The following MAGI2 variants were observed in gnomAD, a reference collection of about 807,000 sequenced individuals.
MAGI2 encodes membrane associated guanylate kinase, WW and PDZ domain containing 2, also known as membrane-associated guanylate kinase, WW and PDZ domain-containing protein 2.
MAGI2 carries 35 observed loss-of-function variants against 133.3 expected under a neutral mutation model. That is an observed-to-expected ratio of 0.26 (90% CI 0.20 to 0.35). The LOEUF is 0.35. Among genes scored for constraint, MAGI2 ranks in the 10% least tolerant of loss-of-function variants. The probability of loss-of-function intolerance (pLI) is 1.00; values close to 1 mark genes in which losing one functional copy is unlikely to be tolerated. For missense variants in MAGI2, 1,636 were observed against 1,863.4 expected (o/e 0.88, Z 2.25); for synonymous variants, 729 against 710.6 (o/e 1.03, Z -0.41).
At chr7:78,997,189 T>C (rs1260892135) in intron 2 of MAGI2, among the ~76,000 whole-genome samples, 2 of 152,166 alleles carry the variant, frequency 1.3e-5, no homozygotes, top group Non-Finnish European at 1.5e-5. Flanking sequence ...GTGCAGATAT[T>C]TGCCGATTTT....
intron 1 of MAGI2, among the ~76,000 whole-genome samples, chr7:79,364,985 T>C (rs977965120): frequency 6.6e-6 from 1 of 151,386 alleles, no homozygotes; most frequent in African/African-American, 2.4e-5. Context: ...GGAGAAAATA[T>C]TTGCAAACCA....
In MAGI2 at chr7:79,066,535, T is replaced by C. The variant is rs868135189; in HGVS notation, c.302-59329A>G. Among the ~76,000 whole-genome samples, 10 of 152,296 alleles carry C rather than the reference T, an allele frequency of 6.6e-5. 1 individual carries two copies. The Middle Eastern group carries it at 0.024, about 363-fold the overall frequency. On this transcript the variant is annotated intron_variant, in intron 1 of 21. Coordinates refer to ENST00000354212, the MANE Select transcript of MAGI2 (RefSeq NM_012301.4). ...GTAGGTTGCCTGTTCACACTGATGA[T>C]AGTTTCCTTTGCTGTGCAGAAGCTC...
chr7:78,467,108 C>T (rs1584270565), intron 6 of MAGI2, among the ~76,000 whole-genome samples: 2 of 152,180 alleles, frequency 1.3e-5, no homozygotes, highest in South Asian at 2.1e-4. Context: ...TAAGGGACAG[C>T]GAGGAGATGC....
intron 10 of MAGI2, among the ~76,000 whole-genome samples, chr7:78,230,509 T>C (rs192579897): frequency 3.0e-4 from 45 of 152,322 alleles, no homozygotes; most frequent in African/African-American, 1.0e-3. Context: ...ACTTTCGTCT[T>C]ACACATGTGA....
At chr7:79,005,792 T>G (rs1807376713) in intron 2 of MAGI2, among the ~76,000 whole-genome samples, 1 of 152,202 alleles carries the variant, frequency 6.6e-6, no homozygotes, top group Non-Finnish European at 1.5e-5. Flanking sequence ...CATCTTCCTT[T>G]GTCCATCACT....
chr7:78,105,152 T>G (rs1818557775), intron 20 of MAGI2, among the ~76,000 whole-genome samples: 1 of 152,170 alleles, frequency 6.6e-6, no homozygotes, highest in South Asian at 2.1e-4. Flanking sequence ...TAGCTCAACA[T>G]TGTGAAATTT....
At chr7:79,330,543 C>T (rs866561770) in intron 1 of MAGI2, among the ~76,000 whole-genome samples, 17 of 152,198 alleles carry the variant, frequency 1.1e-4, no homozygotes, top group African/African-American at 3.9e-4. Flanking sequence ...TCACTTTATA[C>T]TGAGGATTGC....
At chr7:78,129,841 A>G (rs910318958) in intron 18 of MAGI2, among the ~76,000 whole-genome samples, 1 of 148,758 alleles carries the variant, frequency 6.7e-6, no homozygotes, top group Non-Finnish European at 1.5e-5. Context: ...AGGCTGAGGC[A>G]GGAGAATCGC....
chr7:79,452,792 C>T (rs1849375258), intron 1 of MAGI2: 1 of 555,416 alleles, frequency 1.8e-6, no homozygotes, highest in Non-Finnish European at 3.2e-6. Flanking sequence ...AGGGGAGGGT[C>T]TAACTGAGCA....
At chr7:78,593,670 G>A (rs921327568) in intron 3 of MAGI2, among the ~76,000 whole-genome samples, 7 of 152,198 alleles carry the variant, frequency 4.6e-5, no homozygotes, top group Non-Finnish European at 8.8e-5. Context: ...ATGGGATGAA[G>A]AGTGCAAAAA....
At chr7:79,028,231 G>GTATATATATATATATACATATATA (rs1294855612) in intron 1 of MAGI2, among the ~76,000 whole-genome samples, 1 of 30,882 alleles carries the variant, frequency 3.2e-5, no homozygotes, top group African/African-American at 1.1e-4. Flanking sequence ...ATATATATAT[G>GTATATATATATATATACATATATA]TATGTATATA....
intron 2 of MAGI2, among the ~76,000 whole-genome samples, chr7:78,860,088 A>T (rs1472361191): frequency 6.6e-6 from 1 of 152,192 alleles, no homozygotes; most frequent in Non-Finnish European, 1.5e-5. Flanking sequence ...TTTCAGCTCC[A>T]TCAGGTCATT....
chr7:78,745,495 G>A (rs935488648), intron 2 of MAGI2, among the ~76,000 whole-genome samples: 2 of 151,708 alleles, frequency 1.3e-5, no homozygotes, highest in Non-Finnish European at 2.9e-5. Flanking sequence ...GTCAAGGTGT[G>A]TGCTTTCTAA....
chr7:79,016,641 C>A (rs1218278797), intron 1 of MAGI2, among the ~76,000 whole-genome samples: 3 of 152,116 alleles, frequency 2.0e-5, no homozygotes, highest in Admixed American at 6.5e-5. Context: ...CCCTTCCCTG[C>A]CAGATGCGTG....
chr7:78,272,514 TG>T (rs1159365943), intron 9 of MAGI2, among the ~76,000 whole-genome samples: 2 of 152,308 alleles, frequency 1.3e-5, no homozygotes, highest in South Asian at 4.2e-4. Flanking sequence ...TCTGTCTTGT[TG>T]GTCTGTCTAA....
intron 1 of MAGI2, among the ~76,000 whole-genome samples, chr7:79,051,998 A>C (rs1029961230): frequency 6.6e-6 from 1 of 152,142 alleles, no homozygotes. Context: ...TTGTTCTTAT[A>C]ATTCCAAGTA....
chr7:78,438,863 A>G (rs1355285349), intron 6 of MAGI2, among the ~76,000 whole-genome samples: 1 of 152,206 alleles, frequency 6.6e-6, no homozygotes, highest in Non-Finnish European at 1.5e-5. Context: ...CGGGCTGTTA[A>G]GACGCTTCTA....
chr7:79,176,162 G>A (rs541300058), intron 1 of MAGI2, among the ~76,000 whole-genome samples: 2 of 152,092 alleles, frequency 1.3e-5, no homozygotes, highest in African/African-American at 4.8e-5. Flanking sequence ...TATTGCATAT[G>A]CATGTGGTGG....
chr7:79,053,210 T>C (rs1281715806), intron 1 of MAGI2, among the ~76,000 whole-genome samples: 1 of 152,178 alleles, frequency 6.6e-6, no homozygotes, highest in Non-Finnish European at 1.5e-5. Flanking sequence ...CCTGACCTCG[T>C]GATCCACCCA....
Sources: gnomAD v4.1 joint callset for allele counts (sites outside exome capture counted in the v4.1 genomes callset) on GRCh38, gnomAD v4.1.1 for gene constraint, MANE v1.5 for transcripts, NCBI Gene and HGNC (gene_info 2026-07-23, HGNC 2026-07-21) for gene names.